GRIK1: variants seen among roughly 807,000 people sequenced by gnomAD.
The protein encoded by GRIK1 is glutamate ionotropic receptor kainate type subunit 1, also known as glutamate receptor ionotropic, kainate 1.
A neutral mutation model predicts 105.7 loss-of-function variants in GRIK1; 69 were observed. That is an observed-to-expected ratio of 0.65 (90% confidence interval 0.54 to 0.80). The LOEUF is 0.80. Among genes scored for constraint, GRIK1 ranks in the 30% least tolerant of loss-of-function variants. The probability of loss-of-function intolerance (pLI) is 0.00; values close to 1 mark genes in which losing one functional copy is unlikely to be tolerated. For missense variants in GRIK1, 1,109 were observed against 1,167.3 expected (o/e 0.95, Z 0.73); for synonymous variants, 438 against 431.3 (o/e 1.02, Z -0.19).
chr21:29,544,800 G>A (rs181980696), intron 16 of GRIK1, among the ~76,000 whole-genome samples: 283 of 152,320 alleles, frequency 1.9e-3, no homozygotes, highest in African/African-American at 6.4e-3. Context: ...TGTAAAGAAA[G>A]GGTTGTCTCG....
intron 1 of GRIK1, among the ~76,000 whole-genome samples, chr21:29,897,381 G>A (rs1019808724): frequency 6.6e-6 from 1 of 152,170 alleles, no homozygotes; most frequent in Admixed American, 6.6e-5. Context: ...ATCTTGAAAA[G>A]CATGGCAGAG....
At chr21:29,591,282 AAG>A (rs1251902150) in intron 9 of GRIK1, 57 bp from the exon 10 acceptor site, 5 of 971,630 alleles carry the variant, frequency 5.1e-6, no homozygotes, top group African/African-American at 4.8e-5. Flanking sequence ...ATTTACACCA[AAG>A]AGAGGCCCCT....
At chr21:29,862,699 C>T (rs986265198) in intron 1 of GRIK1, among the ~76,000 whole-genome samples, 1 of 152,170 alleles carries the variant, frequency 6.6e-6, no homozygotes, top group African/African-American at 2.4e-5. Flanking sequence ...AACAAAAAAA[C>T]ACTACAGGAG....
At chr21:29,632,053 T>C (rs1288299340) in intron 7 of GRIK1, among the ~76,000 whole-genome samples, 1 of 152,234 alleles carries the variant, frequency 6.6e-6, no homozygotes, top group Non-Finnish European at 1.5e-5. Context: ...GTGTATTCAA[T>C]GCATAAGTTG....
chr21:29,565,207 G>C (rs1489108005), intron 14 of GRIK1, among the ~76,000 whole-genome samples: 2 of 152,146 alleles, frequency 1.3e-5, no homozygotes, highest in Non-Finnish European at 2.9e-5. Flanking sequence ...AAACATAATG[G>C]GAGCAAGAAG....
intron 1 of GRIK1, among the ~76,000 whole-genome samples, chr21:29,939,130 T>C (rs971144050): frequency 1.3e-5 from 2 of 152,044 alleles, no homozygotes; most frequent in African/African-American, 4.8e-5. Flanking sequence ...ATCCCCGCAC[T>C]CTAGCCCGCG....
chr21:29,784,966 C>T (rs2066220132), intron 1 of GRIK1, among the ~76,000 whole-genome samples: 1 of 152,156 alleles, frequency 6.6e-6, no homozygotes, highest in South Asian at 2.1e-4. Flanking sequence ...TAAAATAAAT[C>T]CTACTCAGGA....
intron 1 of GRIK1, among the ~76,000 whole-genome samples, chr21:29,701,264 CA>C (rs1248498191): frequency 1.3e-5 from 2 of 152,150 alleles, no homozygotes; most frequent in African/African-American, 2.4e-5. Context: ...TGGTCATGAA[CA>C]GGAAGACAGG....
chr21:29,892,736 G>A (rs965576204), intron 1 of GRIK1, among the ~76,000 whole-genome samples: 4 of 152,336 alleles, frequency 2.6e-5, no homozygotes, highest in Non-Finnish European at 2.9e-5. Flanking sequence ...GATGAGTTAC[G>A]TGATGACAGA....
chr21:29,905,532 G>A (rs919640899), intron 1 of GRIK1, among the ~76,000 whole-genome samples: 1 of 150,746 alleles, frequency 6.6e-6, no homozygotes, highest in Middle Eastern at 3.2e-3. Context: ...TGCAACCTCC[G>A]TCTCCTGGGT....
At chr21:29,868,532 C>CT (rs547066605) in intron 1 of GRIK1, among the ~76,000 whole-genome samples, 23 of 151,874 alleles carry the variant, frequency 1.5e-4, no homozygotes, top group Non-Finnish European at 2.8e-4. Flanking sequence ...TACTTCCTGG[C>CT]TTTTTTAGAA....
intron 1 of GRIK1, among the ~76,000 whole-genome samples, chr21:29,842,541 T>C (rs2068010763): frequency 6.6e-6 from 1 of 152,174 alleles, no homozygotes; most frequent in Non-Finnish European, 1.5e-5. Flanking sequence ...AGAACATGCA[T>C]TCATTATTTG....
At chr21:29,674,122 G>C in intron 3 of GRIK1, among the ~76,000 whole-genome samples, 1 of 151,094 alleles carries the variant, frequency 6.6e-6, no homozygotes. Flanking sequence ...GGATTTGTCA[G>C]CTTTAGGTAA....
chr21:29,631,705 C>T (rs558690688), intron 7 of GRIK1, among the ~76,000 whole-genome samples: 5 of 152,252 alleles, frequency 3.3e-5, no homozygotes, highest in Admixed American at 6.5e-5. Flanking sequence ...AAAAAAAGTA[C>T]AATTGCTCAT....
At chr21:29,808,806 T>C (rs369852368) in intron 1 of GRIK1, among the ~76,000 whole-genome samples, 2 of 152,198 alleles carry the variant, frequency 1.3e-5, no homozygotes, top group African/African-American at 4.8e-5. Flanking sequence ...ATGTAGTTTA[T>C]AATTTTCCTT....
intron 1 of GRIK1, among the ~76,000 whole-genome samples, chr21:29,833,530 A>G (rs1225684868): frequency 1.3e-5 from 2 of 152,174 alleles, no homozygotes; most frequent in African/African-American, 4.8e-5. Flanking sequence ...ATTGTGGTAG[A>G]AGGTAAAGGG....
chr21:29,688,080 C>T (rs907580116), intron 3 of GRIK1, among the ~76,000 whole-genome samples: 2 of 152,126 alleles, frequency 1.3e-5, no homozygotes, highest in African/African-American at 4.8e-5. Context: ...TTAAAGTATG[C>T]GTGTGGATTT....
At chr21:29,791,388 G>A (rs2066409996) in intron 1 of GRIK1, among the ~76,000 whole-genome samples, 1 of 152,154 alleles carries the variant, frequency 6.6e-6, no homozygotes. Context: ...CTTTATAAGA[G>A]TGGAGTCGTT....
At chr21:29,741,431 G>T (rs1263490241) in intron 1 of GRIK1, among the ~76,000 whole-genome samples, 1 of 152,150 alleles carries the variant, frequency 6.6e-6, no homozygotes, top group African/African-American at 2.4e-5. Flanking sequence ...GTGGGTGATG[G>T]TGGGGGGCAT....
Sources: gnomAD v4.1 joint callset for allele counts (sites outside exome capture counted in the v4.1 genomes callset) on GRCh38, gnomAD v4.1.1 for gene constraint, MANE v1.5 for transcripts, NCBI Gene and HGNC (gene_info 2026-07-23, HGNC 2026-07-21) for gene names.